Variants in HMSD observed in about 807,000 individuals in gnomAD.
HMSD encodes serpin-like protein HMSD.
In HMSD, 13 loss-of-function variants were observed where a neutral mutation model predicts 10.0. That is an observed-to-expected ratio of 1.31 (90% confidence interval 0.85 to 2.08). The LOEUF is 2.08. HMSD is among the 30% of genes most tolerant of loss of function. The pLI, the probability that HMSD is intolerant of heterozygous loss-of-function variation, is 0.00. For synonymous variants in HMSD, 51 were observed against 54.2 expected (o/e 0.94, Z 0.26); for missense variants, 169 against 166.3 (o/e 1.02, Z -0.09).
intron 3 of HMSD, among the ~76,000 whole-genome samples, chr18:63,959,686 T>G (rs1271431739): frequency 6.6e-6 from 1 of 152,200 alleles, no homozygotes; most frequent in Non-Finnish European, 1.5e-5. Flanking sequence ...TCAACTATGT[T>G]CTTTACTAAT....
At chr18:63,964,303 G>A (rs959742578), downstream of HMSD, among the ~76,000 whole-genome samples, 10 of 152,100 alleles carry the variant, frequency 6.6e-5, no homozygotes, top group African/African-American at 7.2e-5. Context: ...GCAGATCACC[G>A]GAGGTCAGGA....
At chr18:63,966,105 G>A (rs8087115), downstream of HMSD, among the ~76,000 whole-genome samples, 2 of 152,204 alleles carry the variant, frequency 1.3e-5, no homozygotes, top group Non-Finnish European at 2.9e-5. Flanking sequence ...CCCACATGAC[G>A]CAGACACCTC....
At chr18:63,952,298 AGATCTCGCCT>A (rs2050335439) in intron 1 of HMSD, among the ~76,000 whole-genome samples, 3 of 151,958 alleles carry the variant, frequency 2.0e-5, no homozygotes, top group African/African-American at 7.3e-5. Flanking sequence ...TAAAAAAAAA[AGATCTCGCCT>A]AGTGTTATCT....
chr18:63,965,299 C>G (rs776376728), downstream of HMSD, among the ~76,000 whole-genome samples: 7 of 152,220 alleles, frequency 4.6e-5, no homozygotes, highest in Non-Finnish European at 8.8e-5. Context: ...AATGGTAACT[C>G]TATTGATAAG....
At chr18:63,963,032 G>A (rs1259412162), downstream of HMSD, among the ~76,000 whole-genome samples, 1 of 149,830 alleles carries the variant, frequency 6.7e-6, no homozygotes, top group Non-Finnish European at 1.5e-5. Flanking sequence ...TACTAGTGTT[G>A]ACTTCAGATG....
intron 1 of HMSD, among the ~76,000 whole-genome samples, chr18:63,949,736 A>T (rs1599105282): frequency 6.6e-6 from 1 of 152,056 alleles, no homozygotes; most frequent in East Asian, 1.9e-4. Flanking sequence ...GAGGCCTCCC[A>T]CCCTGGTGAA....
intron 1 of HMSD, among the ~76,000 whole-genome samples, chr18:63,949,674 A>C (rs1302898625): frequency 6.6e-6 from 1 of 152,026 alleles, no homozygotes; most frequent in East Asian, 1.9e-4. Flanking sequence ...CTGGGGGGTG[A>C]AAGTCCTGCC....
intron 1 of HMSD, among the ~76,000 whole-genome samples, chr18:63,950,360 G>A (rs2050322873): frequency 7.7e-6 from 1 of 130,694 alleles, no homozygotes; most frequent in Non-Finnish European, 1.5e-5. Flanking sequence ...AGGTTGCAGT[G>A]AGCCAAGATT....
chr18:63,966,800 A>G (rs560589123), downstream of HMSD: 5 of 152,362 alleles, frequency 3.3e-5, no homozygotes, highest in Admixed American at 2.6e-4. Context: ...TGTAGTCTCA[A>G]TTCTTCTGTG....
At position 63,953,364 on chromosome 18, in the gene HMSD, A is replaced by G. The variant is rs1368795103; in HGVS notation, c.-92A>G. 2.3e-6 allele frequency: 2 copies of G among 876,862 alleles called. No individual in the cohort carries two copies. The highest frequency in any genetic ancestry group is 3.3e-5 in the African/African-American group (2 of 59,974). The allele number at this position is 876,862 out of a possible 1,614,324, so 54.3% of individuals were successfully genotyped here. A position where few individuals can be genotyped will look rare whatever the true frequency, so the allele number is the denominator to read the frequency against. ...AATCCATTGTTTCAGGCTCACCGTC[A>G]TGGATGCTCTATCAGAAGCAAATGG... On this transcript the variant is annotated 5_prime_UTR_variant, in exon 2 of 4. The change abolishes an upstream ATG in the 5' untranslated region. Coordinates refer to ENST00000408945, the MANE Select transcript of HMSD (RefSeq NM_001123366.2).
chr18:63,959,979 G>A (rs1014393266), intron 3 of HMSD, among the ~76,000 whole-genome samples, 179 bp from the exon 4 acceptor site: 1 of 152,130 alleles, frequency 6.6e-6, no homozygotes, highest in African/African-American at 2.4e-5. Context: ...TAGTTTATAA[G>A]CTAAGATTAG....
intron 3 of HMSD, chr18:63,968,219 C>CA (rs1209682497): frequency 6.6e-6 from 1 of 152,258 alleles, no homozygotes; most frequent in Admixed American, 6.5e-5. Context: ...CTTAACGCCT[C>CA]ACTGCAGGCA....
At chr18:63,959,488 T>A (rs1255933791) in intron 3 of HMSD, among the ~76,000 whole-genome samples, 2 of 152,224 alleles carry the variant, frequency 1.3e-5, no homozygotes, top group South Asian at 2.1e-4. Flanking sequence ...AATTCGTTAT[T>A]GTCTGAGAGC....
In HMSD at chr18:63,954,683, C is replaced by T. The variant is rs539179386; in HGVS notation, c.222+126C>T. 282 of 720,476 alleles carry T rather than the reference C, an allele frequency of 3.9e-4. 3 individuals are homozygous for T. In the African/African-American group the frequency reaches 4.5e-3, roughly 11 times the overall value. 44.6% of individuals were successfully genotyped at this position (720,476 alleles called of 1,614,324 possible). A position where few individuals can be genotyped will look rare whatever the true frequency, so the allele number is the denominator to read the frequency against. On this transcript the variant is annotated intron_variant, in intron 3 of 3. Transcript: ENST00000408945. ...GAACTCCACGCACGAATCTCACACG[C>T]ATCTTGTGATTCAGTTTGATCATCT...
intron 3 of HMSD, among the ~76,000 whole-genome samples, chr18:63,956,125 G>A (rs915780621): frequency 1.3e-5 from 2 of 152,088 alleles, no homozygotes; most frequent in East Asian, 1.9e-4. Flanking sequence ...ATTGCTCTAC[G>A]CCCTCCTAGG....
rs1162155560 is a variant in HMSD at position 63,961,511 on chromosome 18, G to T, written c.*1156G>T. ...CAGAGGCCTGGCCATGAAGTCCCCT[G>T]CTCTTGTCAGATATGTGCACCCTAT... On this transcript the variant is annotated 3_prime_UTR_variant, in exon 4 of 4. Coordinates refer to ENST00000408945, the MANE Select transcript of HMSD (RefSeq NM_001123366.2). 1 of 152,078 alleles carries T rather than the reference G, an allele frequency of 6.6e-6. No individual in the cohort carries two copies. The highest frequency in any genetic ancestry group is 1.5e-5 in the Non-Finnish European group (1 of 68,038). The allele number at this position is 152,078 out of a possible 1,614,324, so 9.4% of individuals were successfully genotyped here. A position where few individuals can be genotyped will look rare whatever the true frequency, so the allele number is the denominator to read the frequency against.
chr18:63,953,488 C>G lies in HMSD; in HGVS notation c.33C>G (p.Phe11Leu). Residue 11 changes from phenylalanine to leucine, a missense_variant, in exon 2 of 4, where the codon TTC (phenylalanine) becomes TTG (leucine). Phe to Leu is a conservative substitution (Grantham distance 22, BLOSUM62 0). Coordinates refer to ENST00000408945, the MANE Select transcript of HMSD (RefSeq NM_001123366.2). Reference sequence around the variant, plus strand: ...TATCATCAGCCTTGGCCATGGTTTTCATGGGGGCAAAGGGAAACACTGCAG... The same window carrying G: ...TATCATCAGCCTTGGCCATGGTTTTGATGGGGGCAAAGGGAAACACTGCAG... MSISSALAMV[F>L]MGAKGNTAAQ... is the part of the protein sequence containing the mutation. The G allele has an allele frequency of 6.2e-7, 1 of 1,613,916 alleles. No homozygotes were observed. The highest frequency in any genetic ancestry group is 8.5e-7 in the Non-Finnish European group (1 of 1,179,868).
rs1472910180 is a variant in HMSD, at chr18:63,961,089, G to C, written c.*734G>C. On this transcript the variant is annotated 3_prime_UTR_variant, in exon 4 of 4. Transcript: ENST00000408945. ...AACAGGGTGGCACCCTCTTCTTCAG[G>C]GAAACACACACCTCTTTGCACTGCC... The C allele has an allele frequency of 1.3e-5, 2 of 152,346 alleles. No homozygotes were observed. The highest frequency in any genetic ancestry group is 4.8e-5 in the African/African-American group (2 of 41,520). 9.4% of individuals were successfully genotyped at this position (152,346 alleles called of 1,614,324 possible). A position where few individuals can be genotyped will look rare whatever the true frequency, so the allele number is the denominator to read the frequency against.
In HMSD at chr18:63,960,395, A is replaced by G; in HGVS notation, c.*40A>G. The G allele has an allele frequency of 6.5e-7, 1 of 1,529,302 alleles. No homozygotes were observed. Among genetic ancestry groups the G allele is most frequent in the Non-Finnish European group, 8.7e-7 (1 of 1,144,308 alleles). The allele number at this position is 1,529,302 out of a possible 1,614,324, so 94.7% of individuals were successfully genotyped here. On this transcript the variant is annotated 3_prime_UTR_variant, in exon 4 of 4. Transcript: ENST00000408945. ...TTCTCTAAACAACTATGCAAACATT[A>G]AAACCTTTCTTTGGAAATATTGCCA... is the stretch of plus-strand genomic sequence containing the variant.
Sources: allele counts gnomAD v4.1 joint callset (sites outside exome capture counted in the v4.1 genomes callset), GRCh38; gene constraint gnomAD v4.1.1; transcripts MANE v1.5; gene names NCBI Gene and HGNC (gene_info 2026-07-23, HGNC 2026-07-21).